SHANK2: variants seen among roughly 807,000 people sequenced by gnomAD.
SHANK2 encodes the protein SH3 and multiple ankyrin repeat domains protein 2.
In SHANK2, 43 loss-of-function variants were observed where a neutral mutation model predicts 133.7. That is an observed-to-expected ratio of 0.32 (90% CI 0.25 to 0.41). The LOEUF (loss-of-function observed/expected upper bound fraction) is 0.41. Among genes scored for constraint, SHANK2 ranks in the 10% least tolerant of loss-of-function variants. The pLI, the probability that SHANK2 is intolerant of heterozygous loss-of-function variation, is 1.00. For synonymous variants in SHANK2, 1,017 were observed against 952.8 expected, an observed-to-expected ratio of 1.07 and a Z score of -1.24; for missense variants, 1,994 against 2,235.8, an observed-to-expected ratio of 0.89 and a Z score of 2.18.
chr11:70,813,305 C>T (rs533682562), intron 12 of SHANK2, among the ~76,000 whole-genome samples: 5 of 152,190 alleles, frequency 3.3e-5, no homozygotes, highest in Admixed American at 6.5e-5. Flanking sequence ...GGCAAGGGCA[C>T]GGGAAAGGCT....
intron 17 of SHANK2, among the ~76,000 whole-genome samples, chr11:70,651,494 T>C (rs2061338787): frequency 6.6e-6 from 1 of 152,212 alleles, no homozygotes; most frequent in Admixed American, 6.5e-5. Context: ...CAGTGGCCTC[T>C]GTCTGGGAGA....
At chr11:70,591,562 A>G (rs74588965) in intron 17 of SHANK2, among the ~76,000 whole-genome samples, 3,414 of 151,878 alleles carry the variant, frequency 0.022, 63 homozygotes, top group Non-Finnish European at 0.033. Context: ...AAAAGAAAAA[A>G]AAAGCAACAT....
intron 15 of SHANK2, among the ~76,000 whole-genome samples, chr11:70,665,903 C>G (rs183467063): frequency 1.7e-4 from 26 of 152,266 alleles, no homozygotes; most frequent in African/African-American, 5.8e-4. Flanking sequence ...CTGAGCTTGT[C>G]TCTTGTGGGG....
rs547722748 is a variant in SHANK2 at position 70,546,230 on chromosome 11, C to T, written c.2062-43299G>A. On this transcript the variant is annotated intron_variant, in intron 17 of 25. Coordinates refer to ENST00000601538, the MANE Select transcript of SHANK2 (RefSeq NM_012309.5). ...CTGGAATCACAGGTGTGAACCACTG[C>T]GCCCAGAGTTTTAATGGAGGTTTCA... is the stretch of plus-strand genomic sequence containing the variant. 6.6e-5 allele frequency among the ~76,000 whole-genome samples: 10 copies of T among 151,698 alleles called. 1 individual carries two copies. The highest frequency in any genetic ancestry group is 4.2e-4 in the South Asian group (2 of 4,808).
chr11:70,837,715 C>A (rs976498590), intron 11 of SHANK2, among the ~76,000 whole-genome samples: 1 of 152,096 alleles, frequency 6.6e-6, no homozygotes, highest in Non-Finnish European at 1.5e-5. Flanking sequence ...TGGCTCATGC[C>A]TGTAATCCCT....
intron 17 of SHANK2, among the ~76,000 whole-genome samples, chr11:70,507,283 A>G (rs782605520): frequency 3.9e-5 from 6 of 152,294 alleles, no homozygotes; most frequent in Admixed American, 2.6e-4. Flanking sequence ...CTTTGATGCC[A>G]TCTGCGTTTA....
chr11:71,219,168 T>C (rs1954482999), intron 2 of SHANK2, among the ~76,000 whole-genome samples: 2 of 152,234 alleles, frequency 1.3e-5, no homozygotes, highest in South Asian at 4.1e-4. Flanking sequence ...GGCAATGCGC[T>C]GAGATCATTT....
intron 2 of SHANK2, among the ~76,000 whole-genome samples, chr11:71,169,185 C>T (rs1555111722): frequency 1.3e-5 from 2 of 152,188 alleles, no homozygotes; most frequent in African/African-American, 2.4e-5. Flanking sequence ...GCCGTACTGG[C>T]TTATCCCATT....
chr11:70,953,617 A>G (rs1406766093), intron 10 of SHANK2, among the ~76,000 whole-genome samples: 2 of 152,080 alleles, frequency 1.3e-5, no homozygotes, highest in Non-Finnish European at 2.9e-5. Flanking sequence ...CCCAGCAGGC[A>G]AGGTCATCCC....
intron 14 of SHANK2, among the ~76,000 whole-genome samples, chr11:70,718,580 A>C (rs988429405): frequency 6.9e-4 from 105 of 152,304 alleles, no homozygotes; most frequent in Non-Finnish European, 2.5e-4. Context: ...GCCTCCTTCC[A>C]AATACCTGCA....
chr11:70,555,281 G>A (rs1039595443), intron 17 of SHANK2, among the ~76,000 whole-genome samples: 19 of 152,170 alleles, frequency 1.2e-4, no homozygotes, highest in African/African-American at 4.3e-4. Context: ...GCCTCTAAGT[G>A]TTCAAGTGAA....
At chr11:70,793,109 G>A (rs1355987529) in intron 14 of SHANK2, among the ~76,000 whole-genome samples, 2 of 152,148 alleles carry the variant, frequency 1.3e-5, no homozygotes, top group African/African-American at 4.8e-5. Context: ...GAATAATTTG[G>A]ATTAGATTCA....
At chr11:71,118,243 A>G (rs1179910169) in intron 4 of SHANK2, among the ~76,000 whole-genome samples, 1 of 152,196 alleles carries the variant, frequency 6.6e-6, no homozygotes, top group Non-Finnish European at 1.5e-5. Flanking sequence ...AAAAAAATGT[A>G]TAAAAGTTGT....
At chr11:70,738,541 G>A (rs1049588167) in intron 14 of SHANK2, among the ~76,000 whole-genome samples, 2 of 152,214 alleles carry the variant, frequency 1.3e-5, no homozygotes, top group Admixed American at 6.5e-5. Flanking sequence ...GAAGTCCCCG[G>A]AATCTACAAA....
At chr11:70,587,698 G>GTTTTTT (rs34539549) in intron 17 of SHANK2, among the ~76,000 whole-genome samples, 2 of 119,734 alleles carry the variant, frequency 1.7e-5, no homozygotes, top group East Asian at 2.4e-4. Context: ...AGCACGTCCA[G>GTTTTTT]TTTTTTTTTT....
chr11:71,220,780 G>C (rs1287779625), intron 2 of SHANK2, among the ~76,000 whole-genome samples: 5 of 152,146 alleles, frequency 3.3e-5, no homozygotes, highest in African/African-American at 4.8e-5. Context: ...AAGAGGAATG[G>C]GGAGGGAGGG....
At chr11:70,516,932 G>C (rs1016982568) in intron 17 of SHANK2, among the ~76,000 whole-genome samples, 2 of 152,164 alleles carry the variant, frequency 1.3e-5, no homozygotes, top group African/African-American at 4.8e-5. Flanking sequence ...AATCAGCCGG[G>C]CATGGTGGCA....
At chr11:71,078,625 G>T (rs1382681090) in intron 8 of SHANK2, among the ~76,000 whole-genome samples, 2 of 152,174 alleles carry the variant, frequency 1.3e-5, no homozygotes, top group African/African-American at 2.4e-5. Context: ...GCTAAAACAG[G>T]GCGGGGCAGA....
At chr11:70,532,478 A>G (rs1441392313) in intron 17 of SHANK2, among the ~76,000 whole-genome samples, 2 of 152,154 alleles carry the variant, frequency 1.3e-5, no homozygotes. Context: ...TATGGGCAGA[A>G]TTGTGGGTCT....
Sources: gnomAD v4.1 joint callset for allele counts (sites outside exome capture counted in the v4.1 genomes callset) on GRCh38, gnomAD v4.1.1 for gene constraint, MANE v1.5 for transcripts, NCBI Gene and HGNC (gene_info 2026-07-23, HGNC 2026-07-21) for gene names.